NUDT3: variants seen among roughly 807,000 people sequenced by gnomAD.
NUDT3 encodes the protein nudix hydrolase 3, also known as diphosphoinositol polyphosphate phosphohydrolase 1.
In NUDT3, 9 loss-of-function variants were observed where a neutral mutation model predicts 23.6. The observed-to-expected ratio is 0.38, with a 90% CI of 0.23 to 0.66. The LOEUF is 0.66. Ranked by LOEUF, NUDT3 falls within the 30% of genes least tolerant of loss-of-function variation. The pLI is 0.52. For missense variants in NUDT3, 172 were observed against 218.5 expected, an observed-to-expected ratio of 0.79 and a Z score of 1.34; for synonymous variants, 86 against 82.6, an observed-to-expected ratio of 1.04 and a Z score of -0.22.
rs145710279 is a variant in NUDT3, at chr6:34,290,114, G to T, written c.341-1183C>A. On this transcript the variant is annotated intron_variant, in intron 4 of 4. Transcript: ENST00000607016. ...TAAATAGGGCCTATCTCACAAGTCT[G>T]TTATGACTATTAGTATGGAAAGCAC... Among the ~76,000 whole-genome samples, 17 of 152,298 alleles carry T rather than the reference G, an allele frequency of 1.1e-4. No homozygotes were observed. In the East Asian group the frequency reaches 1.5e-3, roughly 14 times the overall value.
At chr6:34,324,077 G>A (rs977844040) in intron 2 of NUDT3, among the ~76,000 whole-genome samples, 3 of 152,150 alleles carry the variant, frequency 2.0e-5, no homozygotes, top group Non-Finnish European at 2.9e-5. Flanking sequence ...AGAATGGGCT[G>A]GGCGTGGTGG....
At chr6:34,368,417 C>T (rs1325096760) in intron 1 of NUDT3, among the ~76,000 whole-genome samples, 1 of 152,164 alleles carries the variant, frequency 6.6e-6, no homozygotes, top group African/African-American at 2.4e-5. Context: ...GCCAGGAGAC[C>T]TCATAAAGCA....
At chr6:34,332,873 T>C (rs1388351704) in intron 2 of NUDT3, among the ~76,000 whole-genome samples, 1 of 152,206 alleles carries the variant, frequency 6.6e-6, no homozygotes, top group Non-Finnish European at 1.5e-5. Context: ...GAAATGGGAA[T>C]GTAAGACGAA....
chr6:34,352,632 A>C (rs1179333452), intron 1 of NUDT3, among the ~76,000 whole-genome samples: 1 of 152,210 alleles, frequency 6.6e-6, no homozygotes, highest in Non-Finnish European at 1.5e-5. Context: ...CCTCCATAAT[A>C]CATGCTCAAA....
At position 34,281,171 on chromosome 6, in the gene NUDT3, A is replaced by G. The variant is rs919881783; in HGVS notation, c.*7582T>C. On this transcript the variant is annotated 3_prime_UTR_variant, in exon 5 of 5. Coordinates refer to ENST00000607016, the MANE Select transcript of NUDT3 (RefSeq NM_006703.4). ...AGTGGAGTGGAGGTAATCGTGAGAA[A>G]ACTTAAAAACCCTTAAGCTGTTTGG... 5 of 152,072 alleles carry G rather than the reference A, an allele frequency of 3.3e-5. No homozygotes were observed. Among genetic ancestry groups the G allele is most frequent in the African/African-American group, 1.2e-4 (5 of 41,380 alleles). The allele number at this position is 152,072 out of a possible 1,614,324, so 9.4% of individuals were successfully genotyped here. A position where few individuals can be genotyped will look rare whatever the true frequency, so the allele number is the denominator to read the frequency against.
At chr6:34,301,042 A>G (rs1365055090) in intron 2 of NUDT3, among the ~76,000 whole-genome samples, 1 of 150,678 alleles carries the variant, frequency 6.6e-6, no homozygotes, top group Non-Finnish European at 1.5e-5. Flanking sequence ...ATTATGTTTC[A>G]GAGTTTTAGC....
At chr6:34,390,968 A>T (rs1354686425) in intron 1 of NUDT3, among the ~76,000 whole-genome samples, 1 of 152,134 alleles carries the variant, frequency 6.6e-6, no homozygotes, top group Non-Finnish European at 1.5e-5. Flanking sequence ...TGTTTTGGGG[A>T]CTTTTACAAT....
At chr6:34,329,894 G>A (rs897039263) in intron 2 of NUDT3, among the ~76,000 whole-genome samples, 16 of 152,166 alleles carry the variant, frequency 1.1e-4, no homozygotes, top group Admixed American at 6.5e-5. Context: ...GTGATAACAT[G>A]TGGTGTTTGG....
chr6:34,347,156 T>C (rs1052094154), intron 1 of NUDT3, among the ~76,000 whole-genome samples: 1 of 152,206 alleles, frequency 6.6e-6, no homozygotes, highest in Non-Finnish European at 1.5e-5. Flanking sequence ...ATTCTTATTC[T>C]GAAGTTTGAT....
chr6:34,377,007 T>TC (rs1764935877), intron 1 of NUDT3, among the ~76,000 whole-genome samples: 1 of 152,018 alleles, frequency 6.6e-6, no homozygotes, highest in African/African-American at 2.4e-5. Context: ...ACATACTCTT[T>TC]CCCCTCCTTT....
intron 2 of NUDT3, among the ~76,000 whole-genome samples, chr6:34,335,401 T>A (rs191362462): frequency 1.3e-5 from 2 of 152,174 alleles, no homozygotes; most frequent in African/African-American, 4.8e-5. Context: ...TATAAAAATG[T>A]TTAAGGGAAT....
chr6:34,384,668 TACTC>T (rs1378602608), intron 1 of NUDT3, among the ~76,000 whole-genome samples: 2 of 152,226 alleles, frequency 1.3e-5, no homozygotes, highest in African/African-American at 2.4e-5. Context: ...TATAAAATCT[TACTC>T]AAGAAGTTAC....
intron 1 of NUDT3, among the ~76,000 whole-genome samples, chr6:34,356,931 C>T (rs976290958): frequency 5.9e-5 from 9 of 152,108 alleles, no homozygotes; most frequent in Non-Finnish European, 7.4e-5. Context: ...GCGCCCGCCA[C>T]CATGCCCGGC....
chr6:34,290,401 C>CTTTTTTTTT (rs952499361), intron 4 of NUDT3, among the ~76,000 whole-genome samples: 1 of 107,342 alleles, frequency 9.3e-6, no homozygotes, highest in Non-Finnish European at 1.9e-5. Flanking sequence ...GCTGCTGCTT[C>CTTTTTTTTT]TTTTTTTTTT....
At chr6:34,357,207 A>G (rs925434048) in intron 1 of NUDT3, among the ~76,000 whole-genome samples, 21 of 152,174 alleles carry the variant, frequency 1.4e-4, no homozygotes, top group African/African-American at 5.1e-4. Context: ...TTACGAATAT[A>G]CATCCTACAA....
At chr6:34,292,930 A>G (rs938224447) in intron 4 of NUDT3, among the ~76,000 whole-genome samples, 4 of 152,308 alleles carry the variant, frequency 2.6e-5, no homozygotes, top group African/African-American at 9.6e-5. Context: ...TCATGCTTCT[A>G]TTTGTGGACC....
intron 2 of NUDT3, among the ~76,000 whole-genome samples, chr6:34,323,346 C>T (rs993174897): frequency 6.6e-6 from 1 of 152,164 alleles, no homozygotes; most frequent in Non-Finnish European, 1.5e-5. Flanking sequence ...GCATGTGTAT[C>T]TCTTGAACCC....
At position 34,341,982 on chromosome 6, in the gene NUDT3, C is replaced by A; in HGVS notation, c.100-10G>T. On this transcript the variant is annotated splice_polypyrimidine_tract_variant and intron_variant, in intron 1 of 4. Transcript: ENST00000607016. The stretch of plus-strand genomic sequence containing the variant: ...TGCTCACGAGTAGCACCTGTTAAGT[C>A]ACAAAGGTTGCATGGGGGGGTTAAA... 6.2e-7 allele frequency: 1 copy of A among 1,609,766 alleles called. No homozygotes were observed. The highest frequency in any genetic ancestry group is 8.5e-7 in the Non-Finnish European group (1 of 1,177,912).
chr6:34,359,741 A>G (rs1374306592), intron 1 of NUDT3, among the ~76,000 whole-genome samples: 2 of 152,220 alleles, frequency 1.3e-5, no homozygotes, highest in Non-Finnish European at 1.5e-5. Flanking sequence ...ATTCCTCTAC[A>G]AATGTTTGAG....
Sources: gnomAD v4.1 joint callset for allele counts (sites outside exome capture counted in the v4.1 genomes callset) on GRCh38, gnomAD v4.1.1 for gene constraint, MANE v1.5 for transcripts, NCBI Gene and HGNC (gene_info 2026-07-23, HGNC 2026-07-21) for gene names.